The following LRRC37A2 variants were observed in gnomAD, a reference collection of about 807,000 sequenced individuals.
The protein encoded by LRRC37A2 is leucine rich repeat containing 37 member A2.
LRRC37A2 carries 9 observed loss-of-function variants against 68.8 expected under a neutral mutation model. That is an observed-to-expected ratio of 0.13 (90% confidence interval 0.08 to 0.23). The LOEUF (loss-of-function observed/expected upper bound fraction) is 0.23, where lower values mean the gene tolerates loss of function less well. LRRC37A2 is among the 10% of genes least tolerant of loss of function. The pLI, the probability that LRRC37A2 is intolerant of heterozygous loss-of-function variation, is 1.00. For missense variants in LRRC37A2, 168 were observed against 950.4 expected, an observed-to-expected ratio of 0.18 and a Z score of 10.82; for synonymous variants, 63 against 367.6, an observed-to-expected ratio of 0.17 and a Z score of 9.48.
At chr17:46,783,422 T>G in the LRRC37A2 span, among the ~76,000 whole-genome samples, 14 of 152,334 alleles carry the variant, frequency 9.2e-5, no homozygotes, top group Admixed American at 6.5e-4. Context: ...GTGATGACTC[T>G]CAGCCTGGCA....
the LRRC37A2 span, among the ~76,000 whole-genome samples, chr17:46,899,351 G>A: frequency 6.6e-6 from 1 of 152,150 alleles, no homozygotes; most frequent in Admixed American, 6.5e-5. Context: ...GTTGCAGTGA[G>A]CCAATATGAT....
the LRRC37A2 span, chr17:46,949,087 C>G: frequency 1.3e-5 from 2 of 152,338 alleles, no homozygotes; most frequent in East Asian, 3.9e-4. Context: ...GTTGCTACAC[C>G]TCACAGCCTC....
chr17:47,009,703 G>A, the LRRC37A2 span, among the ~76,000 whole-genome samples: 1 of 152,284 alleles, frequency 6.6e-6, no homozygotes, highest in Non-Finnish European at 1.5e-5. Flanking sequence ...CCGCCCCCAC[G>A]CCCCGGCAGG....
the LRRC37A2 span, among the ~76,000 whole-genome samples, chr17:46,906,270 C>T: frequency 6.6e-6 from 1 of 152,162 alleles, no homozygotes; most frequent in African/African-American, 2.4e-5. Context: ...ATGGCTCCCT[C>T]ACCTCTCCCA....
the LRRC37A2 span, among the ~76,000 whole-genome samples, chr17:46,959,589 T>G: frequency 3.9e-5 from 6 of 152,360 alleles, no homozygotes; most frequent in South Asian, 1.2e-3. Context: ...TATAAATGTT[T>G]AGCCATGTGA....
At chr17:46,799,177 T>C in the LRRC37A2 span, among the ~76,000 whole-genome samples, 1 of 152,140 alleles carries the variant, frequency 6.6e-6, no homozygotes, top group African/African-American at 2.4e-5. Flanking sequence ...TGCCAGAGTC[T>C]GCATTGCCTT....
the LRRC37A2 span, among the ~76,000 whole-genome samples, chr17:46,779,141 G>C: frequency 6.8e-6 from 1 of 146,762 alleles, no homozygotes; most frequent in Admixed American, 6.9e-5. Flanking sequence ...CCGGGCACAT[G>C]CTAGGTATTC....
At chr17:46,773,808 T>C in the LRRC37A2 span, 3 of 1,613,544 alleles carry the variant, frequency 1.9e-6, no homozygotes, top group Non-Finnish European at 2.5e-6. Flanking sequence ...CTCGATGTAA[T>C]TGCGGCAGAA....
chr17:46,527,744 G>A (rs1302201445), intron 6 of LRRC37A2, among the ~76,000 whole-genome samples: 576 of 24,572 alleles, frequency 0.023, no homozygotes, highest in Middle Eastern at 0.081. Context: ...TAACATGTCC[G>A]AAGTTCTTAG....
At chr17:46,764,297 A>T in the LRRC37A2 span, 1 of 152,592 alleles carries the variant, frequency 6.6e-6, no homozygotes, top group African/African-American at 2.4e-5. Context: ...GTTCTGTTGG[A>T]GTCAAATTTT....
chr17:46,846,747 C>T, the LRRC37A2 span, among the ~76,000 whole-genome samples: 12 of 152,286 alleles, frequency 7.9e-5, no homozygotes, highest in Middle Eastern at 6.8e-3. Flanking sequence ...GGTCCCACAC[C>T]GTCCTCACAA....
At chr17:46,924,857 T>C in the LRRC37A2 span, among the ~76,000 whole-genome samples, 2 of 152,234 alleles carry the variant, frequency 1.3e-5, no homozygotes, top group Non-Finnish European at 2.9e-5. Flanking sequence ...ACAATGGGCA[T>C]AGTAGTGCCT....
the LRRC37A2 span, among the ~76,000 whole-genome samples, chr17:46,969,878 TG>T: frequency 6.6e-6 from 1 of 152,176 alleles, no homozygotes; most frequent in African/African-American, 2.4e-5. Context: ...GCCCCCTCTC[TG>T]GTGCCCACTT....
the LRRC37A2 span, among the ~76,000 whole-genome samples, chr17:47,013,288 A>G: frequency 8.5e-5 from 13 of 152,180 alleles, no homozygotes; most frequent in African/African-American, 2.9e-4. Context: ...TAGTTGCATA[A>G]CTCTGCAAAT....
the LRRC37A2 span, among the ~76,000 whole-genome samples, chr17:46,741,940 G>A: frequency 3.3e-5 from 5 of 152,220 alleles, no homozygotes; most frequent in South Asian, 1.0e-3. Context: ...TAATTTAGTA[G>A]AGACAGCATT....
chr17:47,031,282 G>T, the LRRC37A2 span, among the ~76,000 whole-genome samples: 1 of 148,300 alleles, frequency 6.7e-6, no homozygotes. Flanking sequence ...GTTTTGCATT[G>T]GGGAAAGGAG....
chr17:47,000,089 A>AATAAAATAAAATAAAAT, the LRRC37A2 span, among the ~76,000 whole-genome samples: 1 of 63,888 alleles, frequency 1.6e-5, no homozygotes, highest in Non-Finnish European at 3.5e-5. Context: ...AATAAAATAA[A>AATAAAATAAAATAAAAT]ATAAAATAAA....
chr17:47,032,839 G>A, the LRRC37A2 span, among the ~76,000 whole-genome samples: 1 of 152,268 alleles, frequency 6.6e-6, no homozygotes, highest in East Asian at 1.9e-4. Context: ...ACCCAGGTCT[G>A]CCAGATTCCA....
the LRRC37A2 span, chr17:46,931,487 A>G: frequency 2.1e-6 from 1 of 483,742 alleles, no homozygotes. Context: ...CTAGATCCAT[A>G]GCCACCTGAA....
Sources: allele counts gnomAD v4.1 joint callset (sites outside exome capture counted in the v4.1 genomes callset), GRCh38; gene constraint gnomAD v4.1.1; transcripts MANE v1.5; gene names NCBI Gene and HGNC (gene_info 2026-07-23, HGNC 2026-07-21).